Variants in NAV3 observed in about 807,000 individuals in gnomAD.
NAV3 encodes pore membrane and/or filament interacting like protein 1.
In NAV3, 87 loss-of-function variants were observed where a neutral mutation model predicts 244.7. The observed-to-expected ratio is 0.36, with a 90% CI of 0.30 to 0.42. NAV3 has a LOEUF of 0.42. Ranked by LOEUF, NAV3 falls within the 20% of genes least tolerant of loss-of-function variation. The probability of loss-of-function intolerance (pLI) is 1.00; values close to 1 mark genes in which losing one functional copy is unlikely to be tolerated. For missense variants in NAV3, 2,663 were observed against 2,893.3 expected, an observed-to-expected ratio of 0.92 and a Z score of 1.83; for synonymous variants, 1,126 against 1,042.2, an observed-to-expected ratio of 1.08 and a Z score of -1.55.
chr12:77,910,946 A>G (rs1387320661), intron 1 of NAV3, among the ~76,000 whole-genome samples: 1 of 152,166 alleles, frequency 6.6e-6, no homozygotes, highest in Non-Finnish European at 1.5e-5. Flanking sequence ...ATCAGTAGAG[A>G]CAAACAACAA....
intron 12 of NAV3, among the ~76,000 whole-genome samples, chr12:78,111,256 T>G (rs572128128): frequency 1.2e-4 from 19 of 152,190 alleles, no homozygotes; most frequent in Admixed American, 1.0e-3. Context: ...ATAAAAATAA[T>G]AAAATACTAA....
At chr12:78,040,531 G>A (rs1041736408) in intron 9 of NAV3, among the ~76,000 whole-genome samples, 2 of 152,092 alleles carry the variant, frequency 1.3e-5, no homozygotes, top group Admixed American at 6.6e-5. Flanking sequence ...AAAATACAAC[G>A]TTCTTAAAAT....
At position 78,211,300 on chromosome 12, in the gene NAV3, C is replaced by G. The variant is rs1960863953; in HGVS notation, c.*783C>G. On this transcript the variant is annotated 3_prime_UTR_variant, in exon 40 of 40. Coordinates refer to ENST00000397909, the MANE Select transcript of NAV3 (RefSeq NM_001024383.2). ...AGGGCTTTATTTGTTTGAGCCTTTT[C>G]AGTGAAAGAAGGAACATTTCCTATG... 2 of 152,634 alleles carry G rather than the reference C, an allele frequency of 1.3e-5. No individual in the cohort carries two copies. Among genetic ancestry groups the G allele is most frequent in the South Asian group, 4.1e-4 (2 of 4,820 alleles). The allele number at this position is 152,634 out of a possible 1,614,324, so 9.5% of individuals were successfully genotyped here.
intron 2 of NAV3, among the ~76,000 whole-genome samples, chr12:77,805,075 A>T (rs1001990269): frequency 1.3e-5 from 2 of 152,116 alleles, no homozygotes; most frequent in African/African-American, 4.8e-5. Flanking sequence ...GGGCTGAGAC[A>T]ATGGGGTTTT....
At chr12:78,043,279 G>T (rs930338480) in intron 9 of NAV3, among the ~76,000 whole-genome samples, 1 of 152,202 alleles carries the variant, frequency 6.6e-6, no homozygotes, top group Admixed American at 6.5e-5. Context: ...TTTTATGGTT[G>T]CATAGTATTC....
chr12:77,696,337 C>A (rs1333232819), intron 2 of NAV3, among the ~76,000 whole-genome samples: 8 of 152,138 alleles, frequency 5.3e-5, no homozygotes, highest in Non-Finnish European at 1.0e-4. Context: ...TTTGATGAAA[C>A]AAGCTGCTAT....
chr12:77,952,532 G>A (rs1287197765), intron 3 of NAV3, among the ~76,000 whole-genome samples: 1 of 152,024 alleles, frequency 6.6e-6, no homozygotes, highest in Non-Finnish European at 1.5e-5. Flanking sequence ...AGGTCATAAA[G>A]CTGTGTTGTG....
intron 2 of NAV3, among the ~76,000 whole-genome samples, chr12:77,755,786 T>C (rs562996443): frequency 6.6e-6 from 1 of 151,278 alleles, no homozygotes; most frequent in Non-Finnish European, 1.5e-5. Context: ...CAGGGTGGAG[T>C]GCAGTGGCGT....
intron 8 of NAV3, among the ~76,000 whole-genome samples, chr12:78,011,663 T>C (rs1875297582): frequency 6.6e-6 from 1 of 152,192 alleles, no homozygotes; most frequent in African/African-American, 2.4e-5. Flanking sequence ...ATGCAAATAC[T>C]AGTAACTGGA....
At chr12:78,088,626 A>G (rs1161879519) in intron 12 of NAV3, 1 of 152,154 alleles carries the variant, frequency 6.6e-6, no homozygotes, top group Admixed American at 6.5e-5. Context: ...AAATAACTAA[A>G]TAAGCAAACC....
At chr12:77,661,697 T>C (rs953108451) in intron 2 of NAV3, among the ~76,000 whole-genome samples, 3 of 152,100 alleles carry the variant, frequency 2.0e-5, no homozygotes, top group Non-Finnish European at 4.4e-5. Context: ...AGAAATATAA[T>C]CTATTTTGAA....
At chr12:77,851,605 G>A (rs78599664) in intron 1 of NAV3, among the ~76,000 whole-genome samples, 443 of 152,102 alleles carry the variant, frequency 2.9e-3, no homozygotes, top group Admixed American at 5.4e-3. Flanking sequence ...AATGATTGTC[G>A]TTATTTTAAT....
At chr12:77,584,422 C>CAA (rs35237415) in intron 2 of NAV3, among the ~76,000 whole-genome samples, 11 of 150,188 alleles carry the variant, frequency 7.3e-5, no homozygotes, top group East Asian at 2.0e-4. Context: ...CATAGTATAC[C>CAA]AAAAAAAAAA....
At chr12:77,990,262 A>T (rs1871225603) in intron 5 of NAV3, among the ~76,000 whole-genome samples, 1 of 152,222 alleles carries the variant, frequency 6.6e-6, no homozygotes, top group South Asian at 2.1e-4. Context: ...CTGGGGGTTT[A>T]TATAGTGGGG....
At position 77,661,851 on chromosome 12, in the gene NAV3, A is replaced by G. The variant is rs541519062; in HGVS notation, c.72+89585A>G. 7.6e-3 allele frequency among the ~76,000 whole-genome samples: 1,156 copies of G among 152,222 alleles called. 10 individuals carry two copies. The highest frequency in any genetic ancestry group is 0.014 in the Middle Eastern group (4 of 294). ...ACCTTTATAAAAAACAGTTTATAAA[A>G]TGTGAATATATTTCTAGATTTTGTA... On this transcript the variant is annotated intron_variant, in intron 2 of 8. Coordinates refer to the NAV3 transcript ENST00000550042.
chr12:78,120,070 A>T (rs1593667580), intron 15 of NAV3, 125 bp downstream of exon 15: 1 of 542,080 alleles, frequency 1.8e-6, no homozygotes, highest in East Asian at 4.1e-5. Context: ...ATATCTTAGA[A>T]TTCTTTAAAG....
chr12:78,072,284 G>C lies in NAV3; in HGVS notation c.2636+13169G>C, dbSNP rs1380357808. Among the ~76,000 whole-genome samples the C allele has an allele frequency of 2.0e-5, 3 of 147,454 alleles. No homozygotes were observed. In the East Asian group the frequency reaches 6.0e-4, roughly 29 times the overall value. On this transcript the variant is annotated intron_variant, in intron 12 of 39. Coordinates refer to ENST00000397909, the MANE Select transcript of NAV3 (RefSeq NM_001024383.2). ...AAAGGATCAACAAAATTGATAGACC[G>C]CTAGCAAGACTAATAAAGAAAAAAA...
At chr12:78,054,332 A>G (rs1490478706) in intron 11 of NAV3, among the ~76,000 whole-genome samples, 3 of 152,228 alleles carry the variant, frequency 2.0e-5, no homozygotes, top group African/African-American at 7.2e-5. Flanking sequence ...ACTGAGAGTC[A>G]TGGAACATGA....
rs750635451 is a variant in NAV3 at position 78,197,250 on chromosome 12, T to C, written c.6295T>C (p.Leu2099=). 2.0e-6 allele frequency: 3 copies of C among 1,532,962 alleles called. No individual in the cohort carries two copies. In the South Asian group the frequency reaches 4.0e-5, roughly 20 times the overall value. The allele number at this position is 1,532,962 out of a possible 1,614,324, so 95.0% of individuals were successfully genotyped here. The part of the protein sequence containing the change: ...FNVDHKSSKE[L]QQYLANLAEQ... ...TGTTTTCTTCATTTTTTAAAAGGAA[T>C]TGCAACAATATCTAGCTAACCTGGC... is the stretch of plus-strand genomic sequence containing the variant. The change falls in exon 35 of 40, where the codon TTG becomes CTG. Residue 2099 remains leucine (L), a synonymous_variant. Coordinates refer to ENST00000397909, the MANE Select transcript of NAV3 (RefSeq NM_001024383.2).
Sources: gnomAD v4.1 joint callset for allele counts (sites outside exome capture counted in the v4.1 genomes callset) on GRCh38, gnomAD v4.1.1 for gene constraint, MANE v1.5 for transcripts, NCBI Gene and HGNC (gene_info 2026-07-23, HGNC 2026-07-21) for gene names.